Variants in KLHL3 observed in about 807,000 individuals in gnomAD.
KLHL3 encodes the protein kelch-like protein 3.
KLHL3 carries 19 observed loss-of-function variants against 70.5 expected under a neutral mutation model. That is an observed-to-expected ratio of 0.27 (90% CI 0.19 to 0.40). KLHL3 has a LOEUF of 0.40. Ranked by LOEUF, KLHL3 falls within the 10% of genes least tolerant of loss-of-function variation. The pLI, the probability that KLHL3 is intolerant of heterozygous loss-of-function variation, is 1.00. For synonymous variants in KLHL3, 258 were observed against 290.3 expected (o/e 0.89, Z 1.13); for missense variants, 512 against 771.1 (o/e 0.66, Z 3.98).
chr5:137,683,068 T>C (rs2905590), intron 5 of KLHL3, among the ~76,000 whole-genome samples: 123,926 of 152,018 alleles, frequency 0.82, 51,033 homozygotes, highest in East Asian at 0.98. Flanking sequence ...CAACTTTCTC[T>C]GAGACCCAAC....
chr5:137,622,278 C>T lies in KLHL3; in HGVS notation c.1736-152G>A, dbSNP rs1750332645. ...TATTGAAGTGGACTCAGGCTGCTAG[C>T]AGCTGGCTGTTCCCCACTCCAACAG... On this transcript the variant is annotated intron_variant, in intron 14 of 14. Coordinates refer to ENST00000309755, the MANE Select transcript of KLHL3 (RefSeq NM_017415.3). 5 of 921,654 alleles carry T rather than the reference C, an allele frequency of 5.4e-6. No individual in the cohort carries two copies. In the East Asian group the frequency reaches 1.0e-4, roughly 19 times the overall value. 57.1% of individuals were successfully genotyped at this position (921,654 alleles called of 1,614,324 possible).
intron 1 of KLHL3, among the ~76,000 whole-genome samples, chr5:137,726,943 A>G (rs2149938177): frequency 1.3e-5 from 2 of 152,294 alleles, no homozygotes; most frequent in South Asian, 4.1e-4. Flanking sequence ...ATAAATAAAA[A>G]TATATAAGCT....
chr5:137,726,164 T>A (rs2149937868), intron 1 of KLHL3, among the ~76,000 whole-genome samples: 1 of 152,276 alleles, frequency 6.6e-6, no homozygotes, highest in Admixed American at 6.5e-5. Context: ...GCTGTGAGGT[T>A]TATGAGCTGA....
chr5:137,629,416 G>C (rs574267560), intron 12 of KLHL3: 1 of 152,192 alleles, frequency 6.6e-6, no homozygotes, highest in African/African-American at 2.4e-5. Flanking sequence ...CATCTCAATC[G>C]ACTGGGAAGC....
chr5:137,735,132 G>A (rs1333754576), intron 1 of KLHL3, among the ~76,000 whole-genome samples: 3 of 152,128 alleles, frequency 2.0e-5, no homozygotes, highest in Non-Finnish European at 4.4e-5. Flanking sequence ...CATACACGGC[G>A]TGCACGCGCG....
chr5:137,627,657 C>T (rs1750510912), intron 13 of KLHL3, among the ~76,000 whole-genome samples: 2 of 152,136 alleles, frequency 1.3e-5, no homozygotes, highest in African/African-American at 2.4e-5. Flanking sequence ...TGACACAGTA[C>T]ACGACCCACA....
chr5:137,619,942 T>C lies in KLHL3; in HGVS notation c.*2156A>G, dbSNP rs886059947. On this transcript the variant is annotated 3_prime_UTR_variant, in exon 15 of 15. Transcript: ENST00000309755. ...AGGGAATTCACCTATCATCTGAAAT[T>C]GAGAGCTTCTGTGAATGGCATACAT... 6 of 152,164 alleles carry C rather than the reference T, an allele frequency of 3.9e-5. No individual in the cohort carries two copies. Among genetic ancestry groups the C allele is most frequent in the Non-Finnish European group, 8.8e-5 (6 of 68,038 alleles). The allele number at this position is 152,164 out of a possible 1,614,324, so 9.4% of individuals were successfully genotyped here. A position where few individuals can be genotyped will look rare whatever the true frequency, so the allele number is the denominator to read the frequency against.
intron 2 of KLHL3, among the ~76,000 whole-genome samples, chr5:137,711,677 T>A (rs1561616642): frequency 6.6e-6 from 1 of 152,196 alleles, no homozygotes; most frequent in Non-Finnish European, 1.5e-5. Context: ...TAACTGGCTA[T>A]GAGACCATGG....
rs1321985751 is a variant in KLHL3 at position 137,619,553 on chromosome 5, C to A, written c.*2545G>T. On this transcript the variant is annotated 3_prime_UTR_variant, in exon 15 of 15. Coordinates refer to ENST00000309755, the MANE Select transcript of KLHL3 (RefSeq NM_017415.3). The stretch of plus-strand genomic sequence containing the variant: ...GGCTTCATCTACCACGTGACCAGCA[C>A]AAACTAGAAAATAGCCTGCTGTGTC... The A allele has an allele frequency of 6.6e-6, 1 of 152,668 alleles. No homozygotes were observed. Among genetic ancestry groups the A allele is most frequent in the Non-Finnish European group, 1.5e-5 (1 of 68,050 alleles). The allele number at this position is 152,668 out of a possible 1,614,324, so 9.5% of individuals were successfully genotyped here.
At chr5:137,622,795 C>T (rs1750350808) in intron 14 of KLHL3, among the ~76,000 whole-genome samples, 1 of 152,162 alleles carries the variant, frequency 6.6e-6, no homozygotes, top group Admixed American at 6.5e-5. Context: ...CACGCATGAC[C>T]CAAAATCTCA....
rs201705869 is a variant in KLHL3, at chr5:137,720,541, C to T, written c.58G>A (p.Glu20Lys). 1.9e-5 allele frequency: 31 copies of T among 1,614,052 alleles called. No homozygotes were observed. The highest frequency in any genetic ancestry group is 4.4e-5 in the South Asian group (4 of 91,084). ...ACAGTGATCGTCCTCTGGTTCTTCT[C>T]ATCATCCCCAGCCTGTATCAGAGTC... is the stretch of plus-strand genomic sequence containing the variant. The part of the protein sequence containing the change: ...SQTLIQAGDD[E>K]KNQRTITVNP... Residue 20 changes from glutamate (E) to lysine (K), a missense_variant, in exon 2 of 15, where the codon GAG (glutamate) becomes AAG (lysine). By Grantham distance (56) the Glu-to-Lys change is moderately conservative (BLOSUM62 1). Coordinates refer to ENST00000309755, the MANE Select transcript of KLHL3 (RefSeq NM_017415.3).
Position 137,677,574 on chromosome 5 carries a change from C to T in KLHL3, c.607G>A (p.Asp203Asn), listed in dbSNP as rs760509746. 9.3e-6 allele frequency: 15 copies of T among 1,606,998 alleles called. No individual in the cohort carries two copies. Among genetic ancestry groups the T allele is most frequent in the Admixed American group, 1.7e-5 (1 of 59,038 alleles). ...LDQVCSLISS[D>N]KLTVSSEEKV... Reference sequence around the variant, plus strand: ...TCTTCTGAAGAAACGGTCAGCTTGTCGCTGGATATCAAGCTGCACACCTGG... The same window carrying T: ...TCTTCTGAAGAAACGGTCAGCTTGTTGCTGGATATCAAGCTGCACACCTGG... The change falls in exon 6 of 15, where the codon GAC becomes AAC. Residue 203 changes from aspartate (D) to asparagine (N), a missense_variant. Coordinates refer to ENST00000309755, the MANE Select transcript of KLHL3 (RefSeq NM_017415.3).
intron 6 of KLHL3, 112 bp downstream of exon 6, chr5:137,677,433 G>C: frequency 1.5e-6 from 1 of 672,864 alleles, no homozygotes; most frequent in East Asian, 2.7e-5. Context: ...GGCCGACAGA[G>C]CAAGACTCCA....
At chr5:137,726,536 G>A (rs1316936234) in intron 1 of KLHL3, among the ~76,000 whole-genome samples, 1 of 152,140 alleles carries the variant, frequency 6.6e-6, no homozygotes, top group African/African-American at 2.4e-5. Context: ...TCAGTTCTAA[G>A]TGAGCTCTTC....
chr5:137,692,192 G>T, intron 5 of KLHL3, 93 bp downstream of exon 5: 1 of 1,123,306 alleles, frequency 8.9e-7, no homozygotes, highest in Non-Finnish European at 1.3e-6. Flanking sequence ...TCACAGCAGA[G>T]ACCACTTCTC....
chr5:137,666,893 C>A (rs956512418), intron 6 of KLHL3, among the ~76,000 whole-genome samples: 12 of 152,294 alleles, frequency 7.9e-5, no homozygotes, highest in African/African-American at 2.9e-4. Context: ...TCAAGATAAC[C>A]CAATGATTAA....
intron 2 of KLHL3, 104 bp from the exon 3 acceptor site, chr5:137,709,960 TA>T: frequency 1.2e-6 from 1 of 852,152 alleles, no homozygotes; most frequent in Non-Finnish European, 2.0e-6. Context: ...ACTATCACTA[TA>T]CAAAGCTGTC....
intron 3 of KLHL3, among the ~76,000 whole-genome samples, chr5:137,699,661 G>A (rs149547118): frequency 1.3e-3 from 202 of 152,232 alleles, no homozygotes; most frequent in African/African-American, 4.5e-3. Context: ...CGGGTTTATC[G>A]AAAGCCAGGC....
intron 5 of KLHL3, among the ~76,000 whole-genome samples, chr5:137,677,981 C>T (rs1046320833): frequency 1.3e-5 from 2 of 152,176 alleles, no homozygotes; most frequent in Admixed American, 6.5e-5. Flanking sequence ...GACCTGCCTC[C>T]ATAATTGAGC....
Sources: gnomAD v4.1 joint callset for allele counts (sites outside exome capture counted in the v4.1 genomes callset) on GRCh38, gnomAD v4.1.1 for gene constraint, MANE v1.5 for transcripts, NCBI Gene and HGNC (gene_info 2026-07-23, HGNC 2026-07-21) for gene names.